SCARB2: variants seen among roughly 807,000 people sequenced by gnomAD.
SCARB2 encodes scavenger receptor class B member 2.
Under a neutral mutation model 58.6 loss-of-function variants are expected in SCARB2, and 29 were observed. The ratio of observed to expected loss-of-function variants is 0.49; its 90% CI spans 0.37 to 0.67. The LOEUF is 0.67. Among genes scored for constraint, SCARB2 ranks in the 30% least tolerant of loss-of-function variants. The pLI, the probability that SCARB2 is intolerant of heterozygous loss-of-function variation, is 0.00. For missense variants in SCARB2, 488 were observed against 578.5 expected (o/e 0.84, Z 1.60); for synonymous variants, 195 against 210.1 (o/e 0.93, Z 0.62).
At chr4:76,189,753 T>G (rs1201216897) in intron 2 of SCARB2, among the ~76,000 whole-genome samples, 1 of 152,128 alleles carries the variant, frequency 6.6e-6, no homozygotes, top group Non-Finnish European at 1.5e-5. Flanking sequence ...AATATAGGCA[T>G]CAGCCACCAC....
chr4:76,204,630 T>C (rs1174819726), intron 1 of SCARB2, among the ~76,000 whole-genome samples: 3 of 151,658 alleles, frequency 2.0e-5, no homozygotes, highest in Non-Finnish European at 4.4e-5. Context: ...CAGGTGAAAA[T>C]TGGGAGCGGG....
intron 1 of SCARB2, 75 bp downstream of exon 1, chr4:76,213,352 T>C (rs1211601665): frequency 4.9e-6 from 5 of 1,018,932 alleles, no homozygotes; most frequent in Admixed American, 1.8e-5. Flanking sequence ...GTCTTTCCCA[T>C]ACAAGATGTA....
At chr4:76,174,339 G>A (rs982064972) in intron 6 of SCARB2, 26 bp from the exon 7 acceptor site, 31 of 1,610,266 alleles carry the variant, frequency 1.9e-5, no homozygotes, top group Non-Finnish European at 2.6e-5. Context: ...AATAAAAAGT[G>A]AATGTGGACT....
At chr4:76,173,933 T>C in intron 7 of SCARB2, 1 of 621,476 alleles carries the variant, frequency 1.6e-6, no homozygotes, top group Non-Finnish European at 2.9e-6. Context: ...ATATTCTTTT[T>C]TGTTTGTTTT....
chr4:76,171,479 T>C (rs547609007), intron 7 of SCARB2, among the ~76,000 whole-genome samples: 1 of 152,288 alleles, frequency 6.6e-6, no homozygotes, highest in Non-Finnish European at 1.5e-5. Context: ...TCCAAAATGT[T>C]TCCCTGGAGA....
At chr4:76,217,976 A>T (rs1381505408), upstream of SCARB2, among the ~76,000 whole-genome samples, 1 of 152,220 alleles carries the variant, frequency 6.6e-6, no homozygotes, top group Non-Finnish European at 1.5e-5. Context: ...GAGTTTAATG[A>T]TGTAGTCATT....
At chr4:76,163,593 TTAAAA>T in intron 10 of SCARB2, 1 of 601,304 alleles carries the variant, frequency 1.7e-6, no homozygotes, top group East Asian at 2.8e-5. Context: ...TTTTTTACTC[TTAAAA>T]TAGATTGGAA....
upstream of SCARB2, chr4:76,214,187 C>T (rs1178538461): frequency 2.2e-6 from 1 of 453,356 alleles, no homozygotes; most frequent in Admixed American, 2.4e-5. Context: ...TTCCCCTGCT[C>T]TAGAGGCGCT....
At chr4:76,201,389 T>C (rs1450821654) in intron 1 of SCARB2, among the ~76,000 whole-genome samples, 2 of 152,148 alleles carry the variant, frequency 1.3e-5, no homozygotes, top group East Asian at 3.8e-4. Flanking sequence ...AACTGTATCT[T>C]TTTCATGGAT....
chr4:76,202,079 G>A (rs1732838289), intron 1 of SCARB2, among the ~76,000 whole-genome samples: 1 of 151,770 alleles, frequency 6.6e-6, no homozygotes, highest in Non-Finnish European at 1.5e-5. Flanking sequence ...TTTATCTAAG[G>A]GAAAAATACC....
intron 1 of SCARB2, among the ~76,000 whole-genome samples, chr4:76,199,065 A>G (rs933681753): frequency 3.9e-5 from 6 of 152,202 alleles, no homozygotes; most frequent in Admixed American, 3.3e-4. Flanking sequence ...TGAGTCTGCT[A>G]AAGTCAGGTG....
rs117605895 is a variant in SCARB2, at chr4:76,230,865, C to T, written c.-358+3438G>A. ...ACCTCATTTATGCCATGGACACTAA[C>T]GTGGCCTTTATCCATCAAACAGGAA... On this transcript the variant is annotated intron_variant, in intron 1 of 11. Coordinates refer to the SCARB2 transcript ENST00000638295. Among the ~76,000 whole-genome samples, 53 of 152,262 alleles carry T rather than the reference C, an allele frequency of 3.5e-4. 1 individual carries two copies. In the East Asian group the frequency reaches 9.5e-3, roughly 27 times the overall value.
intron 1 of SCARB2, among the ~76,000 whole-genome samples, chr4:76,197,479 C>T (rs1732737725): frequency 6.6e-6 from 1 of 152,152 alleles, no homozygotes; most frequent in African/African-American, 2.4e-5. Context: ...GGACCAGAAG[C>T]CTGGAGTCCA....
intron 1 of SCARB2, among the ~76,000 whole-genome samples, chr4:76,225,159 A>G (rs926763995): frequency 6.6e-6 from 1 of 152,158 alleles, no homozygotes. Flanking sequence ...TAGTAAATAT[A>G]TATACCACAT....
chr4:76,198,997 C>T (rs1732775453), intron 1 of SCARB2, among the ~76,000 whole-genome samples: 1 of 152,146 alleles, frequency 6.6e-6, no homozygotes, highest in Non-Finnish European at 1.5e-5. Context: ...ACTTTCAGCT[C>T]AGAGAATGGC....
chr4:76,168,396 A>AACTT lies in SCARB2; in HGVS notation c.1187+3_1187+6dup, dbSNP rs1732059664. On this transcript the variant is annotated splice_region_variant and intron_variant, in intron 9 of 11. Transcript: ENST00000264896. ...CTGTCCCCTCCATAGAAAGAAGCAA[A>AACTT]ACTTACACAAAGTCATCTAATTTTT... 1 of 1,613,142 alleles carries AACTT rather than the reference A, an allele frequency of 6.2e-7. No individual in the cohort carries two copies. Among genetic ancestry groups the AACTT allele is most frequent in the African/African-American group, 1.3e-5 (1 of 74,910 alleles).
At chr4:76,207,543 T>C (rs1428516462) in intron 1 of SCARB2, among the ~76,000 whole-genome samples, 1 of 152,244 alleles carries the variant, frequency 6.6e-6, no homozygotes, top group African/African-American at 2.4e-5. Context: ...AAAGTGCATT[T>C]AGATATAGAA....
chr4:76,208,876 C>G (rs1732983727), intron 1 of SCARB2, among the ~76,000 whole-genome samples: 1 of 152,102 alleles, frequency 6.6e-6, no homozygotes, highest in Non-Finnish European at 1.5e-5. Flanking sequence ...AATTTATTGT[C>G]CAAAGCAGAA....
At chr4:76,216,852 A>T (rs981010326), upstream of SCARB2, among the ~76,000 whole-genome samples, 1 of 152,250 alleles carries the variant, frequency 6.6e-6, no homozygotes, top group Non-Finnish European at 1.5e-5. Context: ...TACAGAAAAT[A>T]TAAACAGCTT....
Sources: gnomAD v4.1 joint callset for allele counts (sites outside exome capture counted in the v4.1 genomes callset) on GRCh38, gnomAD v4.1.1 for gene constraint, MANE v1.5 for transcripts, NCBI Gene and HGNC (gene_info 2026-07-23, HGNC 2026-07-21) for gene names.